Variants in IL1RAPL2 observed in about 807,000 individuals in gnomAD.
IL1RAPL2 encodes X-linked interleukin-1 receptor accessory protein-like 2.
IL1RAPL2 carries 3 observed loss-of-function variants against 44.1 expected under a neutral mutation model. The ratio of observed to expected loss-of-function variants is 0.07; its 90% CI spans 0.03 to 0.18. IL1RAPL2 has a LOEUF of 0.18. Among genes scored for constraint, IL1RAPL2 ranks in the 10% least tolerant of loss-of-function variants. The pLI is 1.00. For missense variants in IL1RAPL2, 391 were observed against 496.4 expected, an observed-to-expected ratio of 0.79 and a Z score of 2.02; for synonymous variants, 181 against 178.8, an observed-to-expected ratio of 1.01 and a Z score of -0.10.
intron 6 of IL1RAPL2, among the ~76,000 whole-genome samples, chrX:105,486,807 A>T (rs1376939053): frequency 9.1e-6 from 1 of 109,990 alleles, no homozygotes; most frequent in Non-Finnish European, 1.9e-5. Context: ...AATGTACATG[A>T]TAAGCCCAGG....
In IL1RAPL2 at chrX:105,767,503, T is replaced by G. The variant is rs776244409; in HGVS notation, c.1903T>G (p.Leu635Val). The change falls in exon 11 of 11, where the codon TTA (leucine) becomes GTA (valine). Residue 635 changes from leucine to valine, a missense_variant. By Grantham distance (32) the Leu-to-Val change is conservative. Coordinates refer to ENST00000372582, the MANE Select transcript of IL1RAPL2 (RefSeq NM_017416.2). ...IPATTLPVPS[L>V]GNHHTYCNLP... ...AGCCACGACCTTGCCAGTACCTTCC[T>G]TAGGCAACCACCATACTTATTGTAA... is the stretch of plus-strand genomic sequence containing the variant. The G allele has an allele frequency of 3.3e-6, 4 of 1,211,441 alleles. No homozygotes were observed. Among genetic ancestry groups the G allele is most frequent in the Non-Finnish European group, 3.4e-6 (3 of 895,309 alleles).
chrX:104,943,995 C>T (rs748681451), intron 2 of IL1RAPL2, among the ~76,000 whole-genome samples: 11 of 111,626 alleles, frequency 9.9e-5, no homozygotes, highest in Non-Finnish European at 1.7e-4. Context: ...CTAAAAGTGG[C>T]TCCTCATGTG....
rs1350539482 is a variant in IL1RAPL2, at chrX:105,148,442, G to A, written c.83-47033G>A. Among the ~76,000 whole-genome samples, 3 of 111,900 alleles carry A rather than the reference G, an allele frequency of 2.7e-5. No individual in the cohort carries two copies. The Admixed American group carries it at 2.8e-4, about 11-fold the overall frequency. On this transcript the variant is annotated intron_variant, in intron 2 of 10. Coordinates refer to ENST00000372582, the MANE Select transcript of IL1RAPL2 (RefSeq NM_017416.2). ...TAGTATGTTATGAATTTGTCATGTA[G>A]TAGATTTCATGAAACCTGTATGTTT...
intron 1 of IL1RAPL2, among the ~76,000 whole-genome samples, chrX:104,576,348 C>T (rs944818552): frequency 5.4e-5 from 6 of 111,532 alleles, no homozygotes; most frequent in Non-Finnish European, 1.9e-5. Context: ...ATGTAGCTTT[C>T]AAATTTTCTA....
intron 5 of IL1RAPL2, among the ~76,000 whole-genome samples, chrX:105,378,824 A>G (rs760510354): frequency 1.6e-4 from 18 of 112,054 alleles, no homozygotes; most frequent in Admixed American, 3.8e-4. Context: ...CAGCTTTTCA[A>G]TGTTTTCCCC....
At chrX:104,936,438 T>C (rs1295082562) in intron 2 of IL1RAPL2, among the ~76,000 whole-genome samples, 1 of 110,714 alleles carries the variant, frequency 9.0e-6, no homozygotes, top group African/African-American at 3.3e-5. Context: ...AGGTCAAAAA[T>C]GCTTGAGAAA....
intron 2 of IL1RAPL2, among the ~76,000 whole-genome samples, chrX:105,084,095 T>C (rs1031402254): frequency 2.8e-4 from 32 of 112,354 alleles, no homozygotes; most frequent in African/African-American, 9.4e-4. Context: ...ATGGAAACAC[T>C]TGGATATCCA....
At chrX:105,374,377 A>C (rs1010354845) in intron 5 of IL1RAPL2, among the ~76,000 whole-genome samples, 2 of 111,318 alleles carry the variant, frequency 1.8e-5, no homozygotes, top group Non-Finnish European at 3.8e-5. Context: ...TCTGTGAAGA[A>C]TATCATTGGT....
chrX:105,337,469 C>T (rs776916169), intron 5 of IL1RAPL2, among the ~76,000 whole-genome samples: 17 of 112,145 alleles, frequency 1.5e-4, no homozygotes, highest in Non-Finnish European at 2.4e-4. Context: ...TTGATGTTTA[C>T]ATCCTAAGTA....
chrX:105,549,096 G>A (rs1046878634), intron 6 of IL1RAPL2, among the ~76,000 whole-genome samples: 4 of 111,373 alleles, frequency 3.6e-5, no homozygotes, highest in African/African-American at 1.3e-4. Context: ...CAGTTAGTGT[G>A]CTGTCTTCCA....
chrX:105,414,927 A>T (rs1973088069), intron 5 of IL1RAPL2, among the ~76,000 whole-genome samples: 1 of 112,365 alleles, frequency 8.9e-6, no homozygotes, highest in African/African-American at 3.2e-5. Context: ...CAAATAAGAT[A>T]ATGTTTATGT....
At chrX:104,845,532 C>T (rs1358499666) in intron 2 of IL1RAPL2, among the ~76,000 whole-genome samples, 1 of 111,904 alleles carries the variant, frequency 8.9e-6, no homozygotes, top group Non-Finnish European at 1.9e-5. Context: ...ATTATCTTGG[C>T]TACAAGGATC....
intron 1 of IL1RAPL2, among the ~76,000 whole-genome samples, chrX:104,580,715 C>T (rs1486200604): frequency 1.8e-5 from 2 of 111,970 alleles, no homozygotes; most frequent in Non-Finnish European, 3.8e-5. Flanking sequence ...TATTTAGGAC[C>T]CCAAGGCAGA....
At chrX:104,755,047 A>G (rs1420267614) in intron 2 of IL1RAPL2, among the ~76,000 whole-genome samples, 2 of 111,774 alleles carry the variant, frequency 1.8e-5, no homozygotes, top group Admixed American at 1.9e-4. Context: ...AATCATTTAA[A>G]GTATCATTGC....
intron 6 of IL1RAPL2, among the ~76,000 whole-genome samples, chrX:105,584,521 T>C: frequency 1.1e-5 from 1 of 93,528 alleles, no homozygotes; most frequent in Admixed American, 1.1e-4. Flanking sequence ...GGACAGTACA[T>C]AGTTGTTTCT....
intron 2 of IL1RAPL2, among the ~76,000 whole-genome samples, chrX:105,171,708 G>C (rs780570441): frequency 7.4e-5 from 8 of 108,525 alleles, no homozygotes; most frequent in Non-Finnish European, 1.3e-4. Context: ...GCATGTTGTG[G>C]GTGTGTGTGG....
intron 1 of IL1RAPL2, among the ~76,000 whole-genome samples, chrX:104,628,355 C>T (rs1055164438): frequency 9.0e-6 from 1 of 111,007 alleles, no homozygotes; most frequent in Non-Finnish European, 1.9e-5. Context: ...CTAACACCCA[C>T]CCTTCCTAGC....
chrX:105,071,294 A>C (rs2032203919), intron 2 of IL1RAPL2, among the ~76,000 whole-genome samples: 1 of 111,931 alleles, frequency 8.9e-6, no homozygotes, highest in Non-Finnish European at 1.9e-5. Context: ...AAATAGAAAA[A>C]ATACTTATGA....
rs144284745 is a variant in IL1RAPL2 at position 105,499,648 on chromosome X, A to C, written c.772+15261A>C. Among the ~76,000 whole-genome samples the C allele has an allele frequency of 9.6e-3, 1,079 of 112,048 alleles. 5 individuals are homozygous for C. Among genetic ancestry groups the C allele is most frequent in the Non-Finnish European group, 0.015 (813 of 53,173 alleles). ...TCAACAGGTATGTGAGAAGATGATCAATATCACTAATCATCAAGGAAATAA... is the reference window on the plus strand; with the variant it reads ...TCAACAGGTATGTGAGAAGATGATCCATATCACTAATCATCAAGGAAATAA... On this transcript the variant is annotated intron_variant, in intron 6 of 10. Transcript: ENST00000372582.
Sources: allele counts gnomAD v4.1 joint callset (sites outside exome capture counted in the v4.1 genomes callset), GRCh38; gene constraint gnomAD v4.1.1; transcripts MANE v1.5; gene names NCBI Gene and HGNC (gene_info 2026-07-23, HGNC 2026-07-21).